Variants in REG4 observed in about 807,000 individuals in gnomAD.
The protein encoded by REG4 is regenerating family member 4.
Under a neutral mutation model 22.3 loss-of-function variants are expected in REG4, and 16 were observed. That is an observed-to-expected ratio of 0.72 (90% CI 0.49 to 1.09). The LOEUF (loss-of-function observed/expected upper bound fraction) is 1.09. Ranked by LOEUF, REG4 falls within the 50% of genes least tolerant of loss-of-function variation. The pLI is 0.00. For missense variants in REG4, 214 were observed against 193.9 expected, an observed-to-expected ratio of 1.10 and a Z score of -0.61; for synonymous variants, 71 against 69.2, an observed-to-expected ratio of 1.03 and a Z score of -0.13.
chr1:119,808,127 T>C (rs1654381590), intron 2 of REG4, among the ~76,000 whole-genome samples: 1 of 152,242 alleles, frequency 6.6e-6, no homozygotes, highest in South Asian at 2.1e-4. Context: ...CACATTTCAT[T>C]TCCTTCCATT....
In REG4 at chr1:119,807,890, G is replaced by A. The variant is rs144360490; in HGVS notation, c.67+813C>T. On this transcript the variant is annotated intron_variant, in intron 2 of 5. Coordinates refer to ENST00000256585, the MANE Select transcript of REG4 (RefSeq NM_032044.4). Reference sequence around the variant, plus strand: ...CAGTAGCAGTACTAAGTAACAGATAGCACTGGTCCCCTCTGGAAGCCCTCT... The same window carrying A: ...CAGTAGCAGTACTAAGTAACAGATAACACTGGTCCCCTCTGGAAGCCCTCT... 5.9e-4 allele frequency among the ~76,000 whole-genome samples: 90 copies of A among 152,226 alleles called. 1 individual carries two copies. The highest frequency in any genetic ancestry group is 2.1e-3 in the African/African-American group (88 of 41,528).
At chr1:119,804,900 AG>A (rs1382975393) in intron 2 of REG4, among the ~76,000 whole-genome samples, 4 of 151,878 alleles carry the variant, frequency 2.6e-5, no homozygotes, top group African/African-American at 7.3e-5. Context: ...TCACCCTGCA[AG>A]GTGCTTTCTT....
rs1653877432 is a variant in REG4 at position 119,794,609 on chromosome 1, A to G, written c.*9T>C. On this transcript the variant is annotated 3_prime_UTR_variant, in exon 6 of 6. Transcript: ENST00000256585. ...CTGTGCAGGAGTTAGCAGAATCTTGATTCTTGCTCTATGGTCGGTACTTGC... is the reference window on the plus strand; with the variant it reads ...CTGTGCAGGAGTTAGCAGAATCTTGGTTCTTGCTCTATGGTCGGTACTTGC... 1 of 1,612,932 alleles carries G rather than the reference A, an allele frequency of 6.2e-7. No individual in the cohort carries two copies. The highest frequency in any genetic ancestry group is 1.7e-5 in the Admixed American group (1 of 60,006).
At chr1:119,796,006 T>G (rs1653930654) in intron 5 of REG4, among the ~76,000 whole-genome samples, 1 of 152,190 alleles carries the variant, frequency 6.6e-6, no homozygotes. Context: ...TTTTCCCACC[T>G]CATCAGAGGC....
chr1:119,802,685 T>C, intron 3 of REG4: 3 of 1,420,492 alleles, frequency 2.1e-6, no homozygotes, highest in Non-Finnish European at 2.7e-6. Context: ...CAGGCATGTC[T>C]ACACACCACT....
intron 1 of REG4, 111 bp from the exon 2 acceptor site, chr1:119,808,974 G>C: frequency 3.9e-6 from 2 of 508,510 alleles, no homozygotes; most frequent in Non-Finnish European, 6.9e-6. Flanking sequence ...TTATAATGAA[G>C]GGAATCTCAA....
intron 2 of REG4, among the ~76,000 whole-genome samples, chr1:119,805,286 G>A (rs763479423): frequency 1.6e-4 from 24 of 152,244 alleles, no homozygotes; most frequent in South Asian, 6.2e-4. Context: ...GGACAGCTGC[G>A]AAAACATGCC....
intron 2 of REG4, among the ~76,000 whole-genome samples, chr1:119,804,677 A>G (rs1043228096): frequency 1.3e-5 from 2 of 152,212 alleles, no homozygotes; most frequent in Admixed American, 6.5e-5. Context: ...TACTACTAGT[A>G]CCACTGTCAC....
At chr1:119,802,999 T>C in intron 3 of REG4, 69 bp downstream of exon 3, 2 of 1,603,370 alleles carry the variant, frequency 1.2e-6, no homozygotes, top group Non-Finnish European at 8.5e-7. Flanking sequence ...CTGAATCAAA[T>C]GAGATCTGGG....
Position 119,798,509 on chromosome 1 carries a change from T to C in REG4, c.397A>G (p.Ser133Gly). ...MGGNKHCAEM[S>G]SNNNFLTWSS... ...CATTATAACTTACTGTTATTGGAGCTCATCTCAGCACAGTGCTTGTTCCCA... is the reference window on the plus strand; with the variant it reads ...CATTATAACTTACTGTTATTGGAGCCCATCTCAGCACAGTGCTTGTTCCCA... Residue 133 changes from serine (S) to glycine (G), a missense_variant, in exon 5 of 6, where the codon AGC becomes GGC. Ser to Gly is a moderately conservative substitution (Grantham distance 56). Transcript: ENST00000256585. 6.2e-7 allele frequency: 1 copy of C among 1,613,418 alleles called. No individual in the cohort carries two copies. Among genetic ancestry groups the C allele is most frequent in the Non-Finnish European group, 8.5e-7 (1 of 1,179,334 alleles).
intron 3 of REG4, 60 bp from the exon 4 acceptor site, chr1:119,799,922 T>A (rs1307952355): frequency 1.3e-6 from 2 of 1,592,022 alleles, no homozygotes; most frequent in Non-Finnish European, 1.7e-6. Flanking sequence ...AGCCCTCCCC[T>A]CAGAACGCTA....
intron 2 of REG4, among the ~76,000 whole-genome samples, chr1:119,806,811 C>T (rs1209965345): frequency 6.6e-6 from 1 of 152,260 alleles, no homozygotes; most frequent in Non-Finnish European, 1.5e-5. Context: ...TACTCCCTCA[C>T]TTATTACATG....
intron 2 of REG4, among the ~76,000 whole-genome samples, chr1:119,803,881 A>G (rs1654205634): frequency 6.6e-6 from 1 of 152,160 alleles, no homozygotes; most frequent in Non-Finnish European, 1.5e-5. Context: ...GGAAGGATAG[A>G]AACAGCAAGC....
rs151189394 is a variant in REG4 at position 119,798,517 on chromosome 1, G to A, written c.389C>T (p.Ala130Val). The change falls in exon 5 of 6, where the codon GCT becomes GTT. Residue 130 changes from alanine to valine, a missense_variant. Physicochemically the swap from Ala to Val is moderately conservative, Grantham distance 64. Coordinates refer to ENST00000256585, the MANE Select transcript of REG4 (RefSeq NM_032044.4). ...GKSMGGNKHC[A>V]EMSSNNNFLT... ...CTTACTGTTATTGGAGCTCATCTCA[G>A]CACAGTGCTTGTTCCCACCCATGGA... The A allele has an allele frequency of 2.7e-4, 442 of 1,613,850 alleles. 4 individuals carry two copies. The African/African-American group carries it at 5.4e-3, about 20-fold the overall frequency.
intron 2 of REG4, among the ~76,000 whole-genome samples, chr1:119,805,855 T>C (rs587756644): frequency 6.6e-6 from 1 of 152,118 alleles, no homozygotes; most frequent in Admixed American, 6.5e-5. Context: ...CCCCACACTC[T>C]GCAAGTTGCG....
intron 1 of REG4, 131 bp downstream of exon 1, chr1:119,811,278 C>T (rs1654488827): frequency 6.6e-6 from 1 of 152,184 alleles, no homozygotes; most frequent in African/African-American, 2.4e-5. Flanking sequence ...TTAAATCAAA[C>T]AACACAGCAA....
At chr1:119,807,781 G>A (rs755392373) in intron 2 of REG4, among the ~76,000 whole-genome samples, 5 of 152,168 alleles carry the variant, frequency 3.3e-5, no homozygotes, top group Non-Finnish European at 7.4e-5. Context: ...GCAGCCATAG[G>A]GGCCAAAATG....
chr1:119,806,579 T>C (rs915982483), intron 2 of REG4, among the ~76,000 whole-genome samples: 2 of 152,160 alleles, frequency 1.3e-5, no homozygotes, highest in African/African-American at 4.8e-5. Flanking sequence ...GATAACCATT[T>C]CCATTGTACA....
chr1:119,810,228 T>C (rs1033866657), intron 1 of REG4, among the ~76,000 whole-genome samples: 1 of 152,178 alleles, frequency 6.6e-6, no homozygotes, highest in African/African-American at 2.4e-5. Context: ...GGTTAAAATA[T>C]TTATCACTGT....
Sources: allele counts gnomAD v4.1 joint callset (sites outside exome capture counted in the v4.1 genomes callset), GRCh38; gene constraint gnomAD v4.1.1; transcripts MANE v1.5; gene names NCBI Gene and HGNC (gene_info 2026-07-23, HGNC 2026-07-21).